S100Z: variants seen among roughly 807,000 people sequenced by gnomAD.
The protein encoded by S100Z is protein S100-Z.
A neutral mutation model predicts 8.5 loss-of-function variants in S100Z; 11 were observed. The ratio of observed to expected loss-of-function variants is 1.30; its 90% CI spans 0.82 to 2.15. The LOEUF is 2.15. Among genes scored for constraint, S100Z ranks in the 30% most tolerant of loss-of-function variants. S100Z has a pLI of 0.00. For synonymous variants in S100Z, 34 were observed against 43.8 expected (o/e 0.78, Z 0.89); for missense variants, 126 against 117.9 (o/e 1.07, Z -0.32).
At chr5:76,925,159 T>TAGAGAG (rs3060357), downstream of S100Z, among the ~76,000 whole-genome samples, 2 of 151,028 alleles carry the variant, frequency 1.3e-5, no homozygotes, top group Non-Finnish European at 3.0e-5. Context: ...AGTGGCTAGA[T>TAGAGAG]AGAGAGAGAG....
At chr5:76,892,881 G>A (rs1012715021) in intron 4 of S100Z, among the ~76,000 whole-genome samples, 4 of 152,126 alleles carry the variant, frequency 2.6e-5, no homozygotes, top group African/African-American at 7.2e-5. Flanking sequence ...GGTGAGTGGA[G>A]GGATGACTCT....
chr5:76,952,695 C>T, the S100Z span: 66 of 171,514 alleles, frequency 3.8e-4, no homozygotes, highest in Admixed American at 1.6e-3. Flanking sequence ...GTATTTTATG[C>T]GTGTATGTAA....
chr5:76,856,858 C>T (rs1750895142), intron 1 of S100Z, among the ~76,000 whole-genome samples: 1 of 152,158 alleles, frequency 6.6e-6, no homozygotes, highest in Non-Finnish European at 1.5e-5. Flanking sequence ...AAAACCATCA[C>T]AGTAGATGAA....
intron 1 of S100Z, among the ~76,000 whole-genome samples, chr5:76,869,464 A>G (rs988337686): frequency 2.0e-5 from 3 of 152,150 alleles, no homozygotes; most frequent in Non-Finnish European, 2.9e-5. Flanking sequence ...TGTGCTCAGA[A>G]CCTGCAAAGG....
the S100Z span, among the ~76,000 whole-genome samples, chr5:76,927,682 A>G: frequency 6.6e-6 from 1 of 152,226 alleles, no homozygotes; most frequent in South Asian, 2.1e-4. Context: ...AGAAATAAGG[A>G]ATTAAATTTC....
chr5:76,933,928 T>A, the S100Z span, among the ~76,000 whole-genome samples: 10 of 152,220 alleles, frequency 6.6e-5, no homozygotes, highest in Non-Finnish European at 1.3e-4. Flanking sequence ...ACTAGTCTAC[T>A]TTGTCTCTAT....
chr5:76,904,261 C>G (rs1012123300), intron 4 of S100Z, among the ~76,000 whole-genome samples: 1 of 152,078 alleles, frequency 6.6e-6, no homozygotes, highest in Admixed American at 6.6e-5. Context: ...GTGGTGTGAT[C>G]TTAGCTCACT....
intron 4 of S100Z, among the ~76,000 whole-genome samples, chr5:76,888,029 G>A (rs1434395525): frequency 6.6e-6 from 1 of 151,896 alleles, no homozygotes; most frequent in African/African-American, 2.4e-5. Flanking sequence ...AGGCTGAGGC[G>A]GGTGGATCAT....
At chr5:76,924,121 C>T (rs913097388), downstream of S100Z, among the ~76,000 whole-genome samples, 1 of 152,192 alleles carries the variant, frequency 6.6e-6, no homozygotes, top group African/African-American at 2.4e-5. Context: ...ACACTTGGAG[C>T]CCAGACACTG....
At chr5:76,851,248 G>C (rs943582028) in intron 1 of S100Z, among the ~76,000 whole-genome samples, 3 of 152,200 alleles carry the variant, frequency 2.0e-5, no homozygotes, top group Non-Finnish European at 4.4e-5. Flanking sequence ...TGGTGCAGAG[G>C]GGATGGGTGG....
intron 4 of S100Z, among the ~76,000 whole-genome samples, chr5:76,895,487 CCCCTGATGTCCAACTTA>C (rs1008409249): frequency 6.6e-6 from 1 of 151,814 alleles, no homozygotes; most frequent in African/African-American, 2.4e-5. Flanking sequence ...TAAAAAAAAA[CCCCTGATGTCCAACTTA>C]CCCTGATGTC....
intron 4 of S100Z, among the ~76,000 whole-genome samples, chr5:76,920,377 G>A (rs200087674): frequency 6.6e-6 from 1 of 151,864 alleles, no homozygotes; most frequent in African/African-American, 2.4e-5. Context: ...GCTCTTTTTT[G>A]TGAAGTGCAC....
At chr5:76,888,253 T>G (rs1377136023) in intron 4 of S100Z, among the ~76,000 whole-genome samples, 1 of 133,058 alleles carries the variant, frequency 7.5e-6, no homozygotes, top group African/African-American at 2.8e-5. Flanking sequence ...CAAGACTCCA[T>G]CTCAAAAAAA....
rs78538916 is a variant in S100Z, at chr5:76,868,329, G to T, written c.-175-1837G>T. Among the ~76,000 whole-genome samples, 396 of 146,372 alleles carry T rather than the reference G, an allele frequency of 2.7e-3. 1 individual carries two copies. The highest frequency in any genetic ancestry group is 9.6e-3 in the African/African-American group (374 of 38,944). On this transcript the variant is annotated intron_variant, in intron 1 of 4. Coordinates refer to ENST00000317593, the MANE Select transcript of S100Z (RefSeq NM_130772.4). ...AAAGGATATATTTAGCTCTGCCAAA[G>T]CCCAGTAGAAACAAAGAGAAAATCA...
chr5:76,886,724 T>C (rs1032336075), intron 4 of S100Z, among the ~76,000 whole-genome samples: 12 of 152,176 alleles, frequency 7.9e-5, no homozygotes, highest in African/African-American at 1.4e-4. Flanking sequence ...TTAGTTCTTA[T>C]AGGTTTTGGG....
chr5:76,887,002 G>A (rs1379489190), intron 4 of S100Z, among the ~76,000 whole-genome samples: 3 of 152,090 alleles, frequency 2.0e-5, no homozygotes, highest in Non-Finnish European at 4.4e-5. Context: ...GGCTTAGCTT[G>A]GGCTCAGAGG....
At chr5:76,928,391 T>C in the S100Z span, among the ~76,000 whole-genome samples, 2 of 152,238 alleles carry the variant, frequency 1.3e-5, no homozygotes, top group Non-Finnish European at 2.9e-5. Flanking sequence ...TTCACAGACA[T>C]TTTGAAAATT....
chr5:76,858,013 A>T (rs1321905306), intron 1 of S100Z, among the ~76,000 whole-genome samples: 1 of 152,240 alleles, frequency 6.6e-6, no homozygotes, highest in Non-Finnish European at 1.5e-5. Flanking sequence ...TAAAGCCTGT[A>T]CTTGCTAAAA....
intron 4 of S100Z, among the ~76,000 whole-genome samples, chr5:76,904,090 T>A (rs1486209054): frequency 6.6e-6 from 1 of 152,200 alleles, no homozygotes; most frequent in African/African-American, 2.4e-5. Flanking sequence ...AGCCATTTTT[T>A]AAAAATTGGG....
Sources: allele counts gnomAD v4.1 joint callset (sites outside exome capture counted in the v4.1 genomes callset), GRCh38; gene constraint gnomAD v4.1.1; transcripts MANE v1.5; gene names NCBI Gene and HGNC (gene_info 2026-07-23, HGNC 2026-07-21).